Variants in VPS45 observed in about 807,000 individuals in gnomAD.
VPS45 encodes vacuolar protein sorting-associated protein 45.
A neutral mutation model predicts 75.9 loss-of-function variants in VPS45; 35 were observed. That is an observed-to-expected ratio of 0.46 (90% confidence interval 0.35 to 0.61). VPS45 has a LOEUF of 0.61. Ranked by LOEUF, VPS45 falls within the 20% of genes least tolerant of loss-of-function variation. The pLI is 0.00. For missense variants in VPS45, 559 were observed against 685.9 expected (o/e 0.81, Z 2.07); for synonymous variants, 220 against 238.2 (o/e 0.92, Z 0.70).
At chr1:150,131,913 C>T (rs904880851) in intron 14 of VPS45, among the ~76,000 whole-genome samples, 1 of 151,964 alleles carries the variant, frequency 6.6e-6, no homozygotes, top group Admixed American at 6.6e-5. Context: ...TTTACTTCAA[C>T]CCAGATGCAG....
chr1:150,068,093 A>C, intron 1 of VPS45, 143 bp downstream of exon 1: 1 of 835,484 alleles, frequency 1.2e-6, no homozygotes, highest in Non-Finnish European at 1.9e-6. Flanking sequence ...TTGTTTATAT[A>C]AAGCTTGCCC....
chr1:150,142,903 T>C (rs1003576919), intron 14 of VPS45: 4 of 449,990 alleles, frequency 8.9e-6, no homozygotes, highest in Non-Finnish European at 1.8e-5. Flanking sequence ...TCCACCCGCC[T>C]CAGCCTCCCA....
intron 13 of VPS45, among the ~76,000 whole-genome samples, chr1:150,102,186 C>A (rs192980757): frequency 4.4e-5 from 6 of 137,882 alleles, no homozygotes; most frequent in Non-Finnish European, 9.1e-5. Flanking sequence ...TGTGATGAGC[C>A]GAGATTGCTC....
chr1:150,071,979 A>T (rs1655099012), intron 2 of VPS45, among the ~76,000 whole-genome samples, 187 bp from the exon 3 acceptor site: 3 of 151,866 alleles, frequency 2.0e-5, no homozygotes, highest in Admixed American at 2.0e-4. Flanking sequence ...ATAATATATG[A>T]TTCCCGATCA....
chr1:150,144,322 A>C (rs1659561629), intron 14 of VPS45, among the ~76,000 whole-genome samples: 1 of 152,194 alleles, frequency 6.6e-6, no homozygotes, highest in Non-Finnish European at 1.5e-5. Context: ...AACTATAGAC[A>C]ACATACAAGC....
At chr1:150,095,070 G>A (rs781502330) in intron 13 of VPS45, among the ~76,000 whole-genome samples, 21 of 152,328 alleles carry the variant, frequency 1.4e-4, no homozygotes, top group South Asian at 1.0e-3. Flanking sequence ...AATGCTTTCA[G>A]TATGTTAAGA....
chr1:150,080,252 T>C (rs1655632518), intron 7 of VPS45, among the ~76,000 whole-genome samples: 1 of 152,076 alleles, frequency 6.6e-6, no homozygotes, highest in Admixed American at 6.6e-5. Context: ...TTCAAGTGAT[T>C]CCCTGCCTCA....
Position 150,093,618 on chromosome 1 carries a change from C to G in VPS45, c.1463C>G (p.Pro488Arg), listed in dbSNP as rs1553802482. The change falls in exon 13 of 15, where the codon CCT (proline) becomes CGT (arginine). Residue 488 changes from proline (P) to arginine (R), a missense_variant. Transcript: ENST00000644510. ...IKGRLKENLY[P>R]YLGPSTLRDR... ...GGAAGGCTTAAGGAAAACCTATATC[C>G]TTATTTAGGCCCCAGCACACTCAGA... 1.2e-6 allele frequency: 2 copies of G among 1,613,700 alleles called. No individual in the cohort carries two copies. The highest frequency in any genetic ancestry group is 1.7e-6 in the Non-Finnish European group (2 of 1,179,828).
chr1:150,137,910 G>A (rs748060560), intron 14 of VPS45, among the ~76,000 whole-genome samples: 83 of 55,982 alleles, frequency 1.5e-3, no homozygotes, highest in Admixed American at 5.7e-3. Context: ...GTGAGACTCC[G>A]TCTCCAAAAA....
At chr1:150,120,807 T>G (rs1553809411) in intron 14 of VPS45, among the ~76,000 whole-genome samples, 1 of 152,096 alleles carries the variant, frequency 6.6e-6, no homozygotes. Context: ...AAGGCATGTA[T>G]TTGCTGCTAA....
intron 14 of VPS45, among the ~76,000 whole-genome samples, chr1:150,116,500 T>C (rs1347786968): frequency 6.6e-6 from 1 of 152,202 alleles, no homozygotes; most frequent in African/African-American, 2.4e-5. Flanking sequence ...GATTAACTTA[T>C]TCAAGTAAAC....
At chr1:150,105,302 A>G (rs1455301984) in intron 13 of VPS45, among the ~76,000 whole-genome samples, 1 of 152,204 alleles carries the variant, frequency 6.6e-6, no homozygotes, top group Non-Finnish European at 1.5e-5. Flanking sequence ...GAAATATAAG[A>G]CATCCAAATT....
At chr1:150,140,425 G>GTA (rs1659336930) in intron 14 of VPS45, among the ~76,000 whole-genome samples, 1 of 150,260 alleles carries the variant, frequency 6.7e-6, no homozygotes, top group Non-Finnish European at 1.5e-5. Flanking sequence ...GTGTGTGTGT[G>GTA]TGTATTTAAA....
intron 13 of VPS45, among the ~76,000 whole-genome samples, chr1:150,101,237 C>T (rs1195309806): frequency 6.9e-6 from 1 of 145,840 alleles, no homozygotes; most frequent in Non-Finnish European, 1.5e-5. Context: ...CATTGCACAC[C>T]AGCCTGGGCA....
intron 13 of VPS45, among the ~76,000 whole-genome samples, chr1:150,099,362 G>A (rs1553803715): frequency 1.3e-5 from 2 of 151,756 alleles, no homozygotes; most frequent in Non-Finnish European, 2.9e-5. Context: ...TTAGCCGGGT[G>A]TGGTGGCAGG....
Position 150,067,968 on chromosome 1 carries a change from C to T in VPS45, c.93+18C>T. ...AAGAGACGGTGAGTTTGCTTTTGCT[C>T]AGCATTTGTGAAGGAACCCTCTCAA... is the stretch of plus-strand genomic sequence containing the variant. On this transcript the variant is annotated intron_variant, in intron 1 of 14. Coordinates refer to ENST00000644510, the MANE Select transcript of VPS45 (RefSeq NM_007259.5). 1 of 1,611,636 alleles carries T rather than the reference C, an allele frequency of 6.2e-7. No homozygotes were observed. Among genetic ancestry groups the T allele is most frequent in the South Asian group, 1.1e-5 (1 of 91,040 alleles).
chr1:150,077,136 G>A lies in VPS45; in HGVS notation c.481G>A (p.Gly161Arg), dbSNP rs200134576. 2.9e-5 allele frequency: 46 copies of A among 1,613,956 alleles called. No individual in the cohort carries two copies. The highest frequency in any genetic ancestry group is 5.3e-5 in the African/African-American group (4 of 74,898). Residue 161 changes from glycine (G) to arginine (R), a missense_variant, in exon 6 of 15, where the codon GGG becomes AGG. Physicochemically the swap from Gly to Arg is moderately radical, Grantham distance 125 (BLOSUM62 -2). Transcript: ENST00000644510. ...DPAQLSRTTQ[G>R]LTALLLSLKK... The stretch of plus-strand genomic sequence containing the variant: ...AGCCCAGCTATCTAGAACAACTCAA[G>A]GGCTTACAGCTCTCCTTTTATCTCT...
intron 3 of VPS45, among the ~76,000 whole-genome samples, chr1:150,074,553 A>T (rs1303576760): frequency 1.3e-5 from 2 of 152,208 alleles, no homozygotes; most frequent in African/African-American, 2.4e-5. Context: ...TTATGTGAAC[A>T]TTAAGTCTTC....
intron 10 of VPS45, among the ~76,000 whole-genome samples, chr1:150,086,504 GT>G (rs1656022562): frequency 2.0e-5 from 3 of 152,002 alleles, no homozygotes; most frequent in Admixed American, 2.0e-4. Flanking sequence ...TGTGTGTTTT[GT>G]TTTGTTTTGC....
Sources: gnomAD v4.1 joint callset for allele counts (sites outside exome capture counted in the v4.1 genomes callset) on GRCh38, gnomAD v4.1.1 for gene constraint, MANE v1.5 for transcripts, NCBI Gene and HGNC (gene_info 2026-07-23, HGNC 2026-07-21) for gene names.